CBLC: variants seen among roughly 807,000 people sequenced by gnomAD.
CBLC encodes the protein Cbl proto-oncogene C.
Under a neutral mutation model 58.6 loss-of-function variants are expected in CBLC, and 46 were observed. The ratio of observed to expected loss-of-function variants is 0.79; its 90% CI spans 0.62 to 1.00. CBLC has a LOEUF of 1.00. Ranked by LOEUF, CBLC falls within the 50% of genes least tolerant of loss-of-function variation. The pLI is 0.00. For missense variants in CBLC, 655 were observed against 625.8 expected (o/e 1.05, Z -0.50); for synonymous variants, 271 against 264.2 (o/e 1.03, Z -0.25).
At chr19:44,779,098 G>A (rs1004829063) in intron 1 of CBLC, among the ~76,000 whole-genome samples, 1 of 152,158 alleles carries the variant, frequency 6.6e-6, no homozygotes, top group Non-Finnish European at 1.5e-5. Flanking sequence ...CTACACTGAG[G>A]ATAAAATAAA....
chr19:44,792,733 T>C (rs2122490606), intron 7 of CBLC, among the ~76,000 whole-genome samples: 1 of 152,272 alleles, frequency 6.6e-6, no homozygotes, highest in African/African-American at 2.4e-5. Context: ...TCTCCGGCAA[T>C]GTTATCAGTG....
At chr19:44,790,298 A>T (rs958534901) in intron 6 of CBLC, among the ~76,000 whole-genome samples, 2 of 152,148 alleles carry the variant, frequency 1.3e-5, no homozygotes, top group African/African-American at 4.8e-5. Context: ...GGATTAAATA[A>T]GGAACTGATG....
intron 9 of CBLC, among the ~76,000 whole-genome samples, chr19:44,798,271 G>A (rs1213805200): frequency 6.6e-6 from 1 of 151,678 alleles, no homozygotes; most frequent in Non-Finnish European, 1.5e-5. Context: ...GCCGAAGTTG[G>A]TCTCTAACTC....
intron 5 of CBLC, among the ~76,000 whole-genome samples, chr19:44,785,749 A>G (rs1967887334): frequency 6.6e-6 from 1 of 151,934 alleles, no homozygotes; most frequent in Admixed American, 6.6e-5. Flanking sequence ...CAGCCTGGTC[A>G]ACATGGTGAA....
intron 5 of CBLC, among the ~76,000 whole-genome samples, chr19:44,785,017 A>T (rs1967860989): frequency 8.8e-6 from 1 of 113,454 alleles, no homozygotes; most frequent in African/African-American, 3.4e-5. Flanking sequence ...TGTCGCCCTG[A>T]CTGGAGTGCA....
At chr19:44,789,952 G>A in intron 5 of CBLC, 52 bp from the exon 6 acceptor site, 1 of 1,158,368 alleles carries the variant, frequency 8.6e-7, no homozygotes, top group Non-Finnish European at 1.3e-6. Context: ...GTTCATCTGG[G>A]GGTGGGAAAT....
chr19:44,792,592 C>T, intron 7 of CBLC, 78 bp downstream of exon 7: 1 of 1,385,154 alleles, frequency 7.2e-7, no homozygotes, highest in Non-Finnish European at 9.6e-7. Flanking sequence ...ATCTCCATGC[C>T]TCATTGATCA....
chr19:44,797,638 C>T (rs961325577), intron 9 of CBLC, among the ~76,000 whole-genome samples: 1 of 148,862 alleles, frequency 6.7e-6, no homozygotes, highest in Non-Finnish European at 1.5e-5. Flanking sequence ...ACCTGTAATC[C>T]CAGCTACTCA....
At chr19:44,792,284 C>A in intron 6 of CBLC, 99 bp from the exon 7 acceptor site, 6 of 1,406,036 alleles carry the variant, frequency 4.3e-6, no homozygotes, top group Non-Finnish European at 4.9e-6. Context: ...TGAGCCACCA[C>A]AACCAGCCGA....
At chr19:44,779,332 C>T (rs967504858) in intron 1 of CBLC, among the ~76,000 whole-genome samples, 12 of 152,046 alleles carry the variant, frequency 7.9e-5, no homozygotes, top group Non-Finnish European at 1.5e-5. Context: ...TCATTAGGCC[C>T]CCATCACGGT....
chr19:44,784,139 G>A, intron 4 of CBLC, 125 bp from the exon 5 acceptor site: 5 of 826,396 alleles, frequency 6.1e-6, no homozygotes, highest in Non-Finnish European at 9.1e-6. Context: ...CCGTTGCCTA[G>A]AGGATGGGAA....
intron 7 of CBLC, among the ~76,000 whole-genome samples, 169 bp from the exon 8 acceptor site, chr19:44,793,305 G>A (rs1968100346): frequency 6.6e-6 from 1 of 152,062 alleles, no homozygotes; most frequent in African/African-American, 2.4e-5. Context: ...TTCCCTCCCA[G>A]CATTTCCCTC....
chr19:44,800,355 G>C (rs141594020), intron 9 of CBLC, 26 bp from the exon 10 acceptor site: 4 of 1,539,634 alleles, frequency 2.6e-6, no homozygotes, highest in Non-Finnish European at 3.6e-6. Flanking sequence ...GGAATCAACC[G>C]CCCTCTCAAA....
At position 44,792,494 on chromosome 19, in the gene CBLC, T is replaced by TGCTGCCTG. The variant is rs1341759663; in HGVS notation, c.1128_1135dup (p.Gln379LeufsTer24). 16 of 1,605,036 alleles carry TGCTGCCTG rather than the reference T, an allele frequency of 1.0e-5. No individual in the cohort carries two copies. The highest frequency in any genetic ancestry group is 1.3e-5 in the Non-Finnish European group (15 of 1,176,852). ...GCCGTGCGGGCACCTGCTCTGCAGC[T>TGCTGCCTG]GCTGCCTGGCTGCCTGGCAGGTGGG... On this transcript the variant is annotated frameshift_variant, in exon 7 of 11. Coordinates refer to ENST00000647358, the MANE Select transcript of CBLC (RefSeq NM_012116.4). LOFTEE classifies it high-confidence loss of function.
At chr19:44,786,834 G>C (rs1312457820) in intron 5 of CBLC, among the ~76,000 whole-genome samples, 1 of 152,112 alleles carries the variant, frequency 6.6e-6, no homozygotes, top group Non-Finnish European at 1.5e-5. Flanking sequence ...GCCGGGCATG[G>C]TGGCTCATGC....
At chr19:44,796,724 T>G (rs1968185953) in intron 9 of CBLC, among the ~76,000 whole-genome samples, 1 of 152,098 alleles carries the variant, frequency 6.6e-6, no homozygotes, top group Admixed American at 6.6e-5. Context: ...CTTTCTTTTC[T>G]CCCTACGCTG....
At chr19:44,780,864 G>A (rs752806081) in intron 1 of CBLC, 41 bp from the exon 2 acceptor site, 1 of 1,597,866 alleles carries the variant, frequency 6.3e-7, no homozygotes, top group African/African-American at 1.3e-5. Context: ...GGTGTCAGTG[G>A]GAGCCCCAAG....
Position 44,792,381 on chromosome 19 carries a change from A to G in CBLC, c.1006-2A>G, listed in dbSNP as rs376434724. The G allele has an allele frequency of 7.4e-6, 12 of 1,613,192 alleles. No homozygotes were observed. In the African/African-American group the frequency reaches 1.2e-4, roughly 16 times the overall value. ...TGTCTTCTCTATCCTCTCACCTGCCAGGAGCAGCTGCAGCTCTACTGGGCC... is the reference window on the plus strand; with the variant it reads ...TGTCTTCTCTATCCTCTCACCTGCCGGGAGCAGCTGCAGCTCTACTGGGCC... On this transcript the variant is annotated splice_acceptor_variant, in intron 6 of 10. Transcript: ENST00000647358. LOFTEE classifies it high-confidence loss of function.
At position 44,778,011 on chromosome 19, in the gene CBLC, G is replaced by T. The variant is rs761041888; in HGVS notation, c.80G>T (p.Arg27Leu). The T allele has an allele frequency of 6.2e-7, 1 of 1,609,280 alleles. No homozygotes were observed. The highest frequency in any genetic ancestry group is 1.7e-5 in the Admixed American group (1 of 59,980). Residue 27 changes from arginine to leucine, a missense_variant, in exon 1 of 11, where the codon CGC becomes CTC. Physicochemically the swap from Arg to Leu is moderately radical, Grantham distance 102 (BLOSUM62 -2). This residue lies in a region of CBLC where 280 missense variants were observed against 237.2 expected (regional missense o/e 1.18). Coordinates refer to ENST00000647358, the MANE Select transcript of CBLC (RefSeq NM_012116.4). ...ALGRAVRMLQ[R>L]LEEQCVDPRL... Reference sequence around the variant, plus strand: ...GGCCGGGCAGTCAGGATGCTGCAGCGCCTAGAAGAGCAATGCGTCGACCCC... The same window carrying T: ...GGCCGGGCAGTCAGGATGCTGCAGCTCCTAGAAGAGCAATGCGTCGACCCC...
Sources: allele counts gnomAD v4.1 joint callset (sites outside exome capture counted in the v4.1 genomes callset), GRCh38; gene constraint gnomAD v4.1.1; regional missense constraint gnomAD v4.1.1; transcripts MANE v1.5; gene names NCBI Gene and HGNC (gene_info 2026-07-23, HGNC 2026-07-21).